IL6R: variants seen among roughly 807,000 people sequenced by gnomAD.
IL6R encodes the protein interleukin-6 receptor subunit alpha.
Under a neutral mutation model 48.3 loss-of-function variants are expected in IL6R, and 38 were observed. The ratio of observed to expected loss-of-function variants is 0.79; its 90% confidence interval spans 0.61 to 1.03. The LOEUF (loss-of-function observed/expected upper bound fraction) is 1.03, where lower values mean the gene tolerates loss of function less well. Ranked by LOEUF, IL6R falls within the 50% of genes least tolerant of loss-of-function variation. The pLI is 0.00. For missense variants in IL6R, 534 were observed against 618.3 expected, an observed-to-expected ratio of 0.86 and a Z score of 1.45; for synonymous variants, 264 against 256.2, an observed-to-expected ratio of 1.03 and a Z score of -0.29.
At chr1:154,410,481 G>T (rs913490935) in intron 1 of IL6R, among the ~76,000 whole-genome samples, 2 of 152,184 alleles carry the variant, frequency 1.3e-5, no homozygotes, top group Non-Finnish European at 2.9e-5. Flanking sequence ...GAACACCTAG[G>T]CTCAAGCAGT....
intron 1 of IL6R, among the ~76,000 whole-genome samples, chr1:154,425,305 T>C: frequency 6.6e-6 from 1 of 152,192 alleles, no homozygotes; most frequent in East Asian, 1.9e-4. Flanking sequence ...GTTTCATTCT[T>C]AGGGAAGTTC....
chr1:154,437,447 C>T lies in IL6R; in HGVS notation c.949+1337C>T, dbSNP rs764630622. 4.5e-4 allele frequency: 176 copies of T among 391,772 alleles called. 2 individuals are homozygous for T. The highest frequency in any genetic ancestry group is 2.8e-4 in the Admixed American group (10 of 35,270). The allele number at this position is 391,772 out of a possible 1,614,324, so 24.3% of individuals were successfully genotyped here. On this transcript the variant is annotated intron_variant, in intron 6 of 9. Transcript: ENST00000368485. Reference sequence around the variant, plus strand: ...TTTTTTTTTGAAGACAGGCTTTCTCCTCGTTGCCCAGGATGGAGTACAGCA... The same window carrying T: ...TTTTTTTTTGAAGACAGGCTTTCTCTTCGTTGCCCAGGATGGAGTACAGCA...
chr1:154,455,637 A>T (rs1439609209), intron 9 of IL6R, among the ~76,000 whole-genome samples: 2 of 150,700 alleles, frequency 1.3e-5, no homozygotes, highest in African/African-American at 4.9e-5. Flanking sequence ...TGTTTTTAGT[A>T]GAGACAGGGT....
chr1:154,411,861 C>T (rs1175136256), intron 1 of IL6R, among the ~76,000 whole-genome samples: 1 of 152,006 alleles, frequency 6.6e-6, no homozygotes, highest in Non-Finnish European at 1.5e-5. Flanking sequence ...AAGCAAGACC[C>T]TGTCTCAACA....
rs367918370 is a variant in IL6R, at chr1:154,430,584, G to T, written c.436G>T (p.Ala146Ser). 8 of 1,614,084 alleles carry T rather than the reference G, an allele frequency of 5.0e-6. No individual in the cohort carries two copies. Among genetic ancestry groups the T allele is most frequent in the Non-Finnish European group, 6.8e-6 (8 of 1,180,042 alleles). Residue 146 changes from alanine (A) to serine (S), a missense_variant, in exon 3 of 10, where the codon GCT becomes TCT. Physicochemically the swap from Ala to Ser is moderately conservative, Grantham distance 99 (BLOSUM62 1). Transcript: ENST00000368485. ...PRSTPSLTTK[A>S]VLLVRKFQNS... ...GAGCACCCCATCCCTGACGACAAAG[G>T]CTGTGCTCTTGGTGAGGAAGTTGTA...
At chr1:154,421,037 C>T (rs1400091006) in intron 1 of IL6R, among the ~76,000 whole-genome samples, 3 of 152,150 alleles carry the variant, frequency 2.0e-5, no homozygotes, top group Non-Finnish European at 4.4e-5. Flanking sequence ...GAGGTGCTTC[C>T]TTGTCCTCTC....
In IL6R at chr1:154,465,548, CCAGCTGTT is replaced by C; in HGVS notation, c.*175_*182del. 1.4e-6 allele frequency: 1 copy of C among 713,340 alleles called. No homozygotes were observed. Among genetic ancestry groups the C allele is most frequent in the South Asian group, 1.8e-5 (1 of 54,486 alleles). The allele number at this position is 713,340 out of a possible 1,614,324, so 44.2% of individuals were successfully genotyped here. On this transcript the variant is annotated 3_prime_UTR_variant, in exon 10 of 10. Transcript: ENST00000368485. ...TACGCCAGGGGAAAATCAGCCTGCT[CCAGCTGTT>C]CAGCTGGTTGAGGTTTCAAACCTCC...
intron 7 of IL6R, 42 bp downstream of exon 7, chr1:154,448,213 T>G: frequency 6.4e-7 from 1 of 1,561,780 alleles, no homozygotes; most frequent in South Asian, 1.1e-5. Flanking sequence ...CTGCAGCACC[T>G]CGTGTTTAGG....
chr1:154,413,222 A>T (rs561307845), intron 1 of IL6R, among the ~76,000 whole-genome samples: 19 of 152,038 alleles, frequency 1.2e-4, no homozygotes, highest in Non-Finnish European at 2.5e-4. Context: ...GGCTGGTCTC[A>T]AACTCCTGAC....
intron 9 of IL6R, among the ~76,000 whole-genome samples, chr1:154,464,930 A>G (rs765838004): frequency 8.5e-5 from 13 of 152,194 alleles, no homozygotes; most frequent in Non-Finnish European, 1.8e-4. Context: ...ATAGCACTCC[A>G]GCCTGGGTAA....
At chr1:154,412,945 CT>C (rs552986834) in intron 1 of IL6R, among the ~76,000 whole-genome samples, 1,801 of 132,658 alleles carry the variant, frequency 0.014, 22 homozygotes, top group African/African-American at 0.034. Flanking sequence ...AGAACTTCCT[CT>C]TTTTTTTTTT....
At chr1:154,464,385 C>T (rs1691435566) in intron 9 of IL6R, among the ~76,000 whole-genome samples, 1 of 152,066 alleles carries the variant, frequency 6.6e-6, no homozygotes, top group Non-Finnish European at 1.5e-5. Context: ...GAACTCCTGA[C>T]CTCAGGTGAT....
chr1:154,453,725 T>C (rs1690719353), intron 8 of IL6R, among the ~76,000 whole-genome samples: 2 of 152,166 alleles, frequency 1.3e-5, no homozygotes, highest in African/African-American at 4.8e-5. Context: ...GAACTCAGTC[T>C]AGAGGTGGAA....
At position 154,466,795 on chromosome 1, in the gene IL6R, C is replaced by T; in HGVS notation, c.*1415C>T. The T allele has an allele frequency of 5.7e-6, 1 of 174,136 alleles. No homozygotes were observed. The highest frequency in any genetic ancestry group is 1.2e-5 in the Non-Finnish European group (1 of 81,880). The allele number at this position is 174,136 out of a possible 1,614,324, so 10.8% of individuals were successfully genotyped here. A position where few individuals can be genotyped will look rare whatever the true frequency, so the allele number is the denominator to read the frequency against. ...CCTGGGAGGTCAAGGCTGCAGTGAGCCGAGATTGCACCACTGCACTCCAGC... is the reference window on the plus strand; with the variant it reads ...CCTGGGAGGTCAAGGCTGCAGTGAGTCGAGATTGCACCACTGCACTCCAGC... On this transcript the variant is annotated 3_prime_UTR_variant, in exon 10 of 10. Transcript: ENST00000368485.
intron 6 of IL6R, chr1:154,445,044 T>C (rs888943789): frequency 1.8e-5 from 8 of 455,388 alleles, no homozygotes; most frequent in African/African-American, 1.6e-4. Context: ...TTGTCTCCAC[T>C]AGGCTTCTCT....
At position 154,467,744 on chromosome 1, in the gene IL6R, C is replaced by A. The variant is rs1190435550; in HGVS notation, c.*2364C>A. 6.6e-6 allele frequency: 1 copy of A among 151,968 alleles called. No individual in the cohort carries two copies. Among genetic ancestry groups the A allele is most frequent in the Non-Finnish European group, 1.5e-5 (1 of 67,998 alleles). 9.4% of individuals were successfully genotyped at this position (151,968 alleles called of 1,614,324 possible). A position where few individuals can be genotyped will look rare whatever the true frequency, so the allele number is the denominator to read the frequency against. On this transcript the variant is annotated 3_prime_UTR_variant, in exon 10 of 10. Transcript: ENST00000368485. ...AGTGAGACACCATCTCTATTATGAA[C>A]AATAACAGTTAAGAAAAAAAAAGGC...
chr1:154,465,573 C>G lies in IL6R; in HGVS notation c.*193C>G. 2 of 631,346 alleles carry G rather than the reference C, an allele frequency of 3.2e-6. No individual in the cohort carries two copies. The highest frequency in any genetic ancestry group is 1.9e-5 in the South Asian group (1 of 51,364). 39.1% of individuals were successfully genotyped at this position (631,346 alleles called of 1,614,324 possible). ...CCAGCTGTTCAGCTGGTTGAGGTTTCAAACCTCCCTTTCCAAATGCCCAGC... is the reference window on the plus strand; with the variant it reads ...CCAGCTGTTCAGCTGGTTGAGGTTTGAAACCTCCCTTTCCAAATGCCCAGC... On this transcript the variant is annotated 3_prime_UTR_variant, in exon 10 of 10. Transcript: ENST00000368485.
intron 1 of IL6R, among the ~76,000 whole-genome samples, chr1:154,417,624 C>G (rs112654029): frequency 6.6e-5 from 10 of 152,182 alleles, no homozygotes; most frequent in African/African-American, 2.4e-4. Flanking sequence ...GGGTGGAGTG[C>G]AGTGGTGCGA....
At chr1:154,445,910 G>C (rs964391088) in intron 6 of IL6R, among the ~76,000 whole-genome samples, 1 of 152,000 alleles carries the variant, frequency 6.6e-6, no homozygotes, top group Non-Finnish European at 1.5e-5. Flanking sequence ...TCTATTTAGG[G>C]CTGCCCCATC....
Sources: allele counts gnomAD v4.1 joint callset (sites outside exome capture counted in the v4.1 genomes callset), GRCh38; gene constraint gnomAD v4.1.1; transcripts MANE v1.5; gene names NCBI Gene and HGNC (gene_info 2026-07-23, HGNC 2026-07-21).